The following AXDND1 variants were observed in gnomAD, a reference collection of about 807,000 sequenced individuals.
AXDND1 encodes axonemal dynein light chain domain containing 1.
Under a neutral mutation model 137.5 loss-of-function variants are expected in AXDND1, and 110 were observed. The observed-to-expected ratio is 0.80, with a 90% CI of 0.69 to 0.94. The LOEUF is 0.94. Among genes scored for constraint, AXDND1 ranks in the 40% least tolerant of loss-of-function variants. The probability of loss-of-function intolerance (pLI) is 0.00; values close to 1 mark genes in which losing one functional copy is unlikely to be tolerated. For missense variants in AXDND1, 1,191 were observed against 1,169.8 expected (o/e 1.02, Z -0.26); for synonymous variants, 414 against 399.7 (o/e 1.04, Z -0.43).
In AXDND1 at chr1:179,436,445, G is replaced by A. The variant is rs576447514; in HGVS notation, c.1563+4103G>A. 2.4e-3 allele frequency among the ~76,000 whole-genome samples: 369 copies of A among 152,222 alleles called. 1 individual carries two copies. Among genetic ancestry groups the A allele is most frequent in the Middle Eastern group, 0.01 (3 of 294 alleles). On this transcript the variant is annotated intron_variant, in intron 15 of 25. Transcript: ENST00000367618. Reference sequence around the variant, plus strand: ...AGCAAAGACATGGAACCAACCCAATGCCCATCAATGGTAGACTGGATAAAG... The same window carrying A: ...AGCAAAGACATGGAACCAACCCAATACCCATCAATGGTAGACTGGATAAAG...
intron 17 of AXDND1, among the ~76,000 whole-genome samples, chr1:179,470,262 G>C (rs575245641): frequency 1.3e-5 from 2 of 152,186 alleles, no homozygotes; most frequent in African/African-American, 4.8e-5. Context: ...CTTTCTACTT[G>C]ACTCTTCTTT....
chr1:179,373,558 G>A (rs1026179210), intron 4 of AXDND1, among the ~76,000 whole-genome samples: 4 of 152,018 alleles, frequency 2.6e-5, no homozygotes, highest in South Asian at 4.1e-4. Flanking sequence ...GAGGCATCAC[G>A]CTACCTGACT....
In AXDND1 at chr1:179,395,219, T is replaced by G; in HGVS notation, c.1109+17T>G. ...GAATGCCAAGTGAGTTGCTTAAAGT[T>G]TGTTTAGCTTACATAGGGGAAAAGG... is the stretch of plus-strand genomic sequence containing the variant. On this transcript the variant is annotated intron_variant, in intron 11 of 25. Coordinates refer to ENST00000367618, the MANE Select transcript of AXDND1 (RefSeq NM_144696.6). 1 of 1,599,442 alleles carries G rather than the reference T, an allele frequency of 6.3e-7. No individual in the cohort carries two copies. Among genetic ancestry groups the G allele is most frequent in the Non-Finnish European group, 8.5e-7 (1 of 1,169,850 alleles).
At chr1:179,419,459 C>T (rs1051107522) in intron 12 of AXDND1, among the ~76,000 whole-genome samples, 1 of 148,838 alleles carries the variant, frequency 6.7e-6, no homozygotes, top group South Asian at 2.2e-4. Context: ...CAAAAAAATA[C>T]GAAAACCAGT....
At chr1:179,475,190 G>A (rs10913784) in intron 17 of AXDND1, among the ~76,000 whole-genome samples, 69,487 of 152,140 alleles carry the variant, frequency 0.46, 16,756 homozygotes, top group East Asian at 0.76. Context: ...AGGGCAGTAC[G>A]AAAGGGAAAT....
intron 20 of AXDND1, among the ~76,000 whole-genome samples, chr1:179,502,925 G>A (rs983966085): frequency 2.0e-5 from 3 of 151,692 alleles, no homozygotes; most frequent in African/African-American, 4.8e-5. Context: ...GAGAGACCCC[G>A]TCTCTACTGA....
intron 19 of AXDND1, 82 bp downstream of exon 19, chr1:179,491,819 T>G (rs1666932981): frequency 1.6e-6 from 2 of 1,213,386 alleles, no homozygotes. Context: ...GTAGTAGCAA[T>G]AGGAGTTATT....
chr1:179,488,649 T>TTCTTTC lies in AXDND1; in HGVS notation c.2092-2887_2092-2882dup, dbSNP rs1264889086. On this transcript the variant is annotated intron_variant, in intron 18 of 25. Coordinates refer to ENST00000367618, the MANE Select transcript of AXDND1 (RefSeq NM_144696.6). Reference sequence around the variant, plus strand: ...CTCTCTCTCTCCTTTCTTTCTTTCTTTCTTTCTTTCTTTCTTTCTTTCTTT... The same window carrying TTCTTTC: ...CTCTCTCTCTCCTTTCTTTCTTTCTTTCTTTCTCTTTCTTTCTTTCTTTCTTTCTTT... Among the ~76,000 whole-genome samples the TTCTTTC allele has an allele frequency of 2.6e-4, 25 of 97,132 alleles. 2 individuals are homozygous for TTCTTTC. The highest frequency in any genetic ancestry group is 1.1e-3 in the African/African-American group (23 of 20,004). The allele number at this position is 97,132 out of a possible 152,430, so 63.7% of individuals were successfully genotyped here.
chr1:179,411,346 G>C, intron 12 of AXDND1, 80 bp downstream of exon 12: 1 of 1,456,922 alleles, frequency 6.9e-7, no homozygotes. Flanking sequence ...TGTTTTTTTT[G>C]TTTTGTTTTG....
chr1:179,403,290 G>A (rs894741068), intron 11 of AXDND1, among the ~76,000 whole-genome samples: 1 of 152,242 alleles, frequency 6.6e-6, no homozygotes, highest in Non-Finnish European at 1.5e-5. Context: ...TTTACAAGAC[G>A]AATTTGTCTG....
chr1:179,456,394 C>G, intron 16 of AXDND1: 1 of 783,976 alleles, frequency 1.3e-6, no homozygotes, highest in Non-Finnish European at 2.3e-6. Flanking sequence ...TTGTAATTGC[C>G]AAAATCATTG....
At chr1:179,427,154 G>T (rs1266939137) in intron 12 of AXDND1, among the ~76,000 whole-genome samples, 2 of 149,332 alleles carry the variant, frequency 1.3e-5, no homozygotes, top group Non-Finnish European at 3.0e-5. Context: ...ATAGAGTGAG[G>T]ATCAGTCTCA....
intron 25 of AXDND1, chr1:179,550,777 C>T (rs968872863): frequency 3.4e-6 from 1 of 290,394 alleles, no homozygotes; most frequent in Non-Finnish European, 6.7e-6. Context: ...GTGACAAGCC[C>T]AATGATAGGT....
intron 21 of AXDND1, among the ~76,000 whole-genome samples, chr1:179,515,158 A>AT (rs961094007): frequency 5.3e-5 from 8 of 151,172 alleles, no homozygotes; most frequent in Admixed American, 2.0e-4. Context: ...TTAAATTTTC[A>AT]TTTTTTTTGT....
chr1:179,421,412 T>C (rs1655713056), intron 12 of AXDND1, among the ~76,000 whole-genome samples: 1 of 140,170 alleles, frequency 7.1e-6, no homozygotes, highest in African/African-American at 2.7e-5. Flanking sequence ...AGAGTCTTGC[T>C]CTTTCACCCA....
chr1:179,367,879 A>G (rs988607995), intron 2 of AXDND1, among the ~76,000 whole-genome samples: 1 of 152,168 alleles, frequency 6.6e-6, no homozygotes, highest in Admixed American at 6.5e-5. Flanking sequence ...GCGGATCTGT[A>G]CTAGAGTCAG....
chr1:179,447,935 CT>C, intron 16 of AXDND1: 2 of 1,382,684 alleles, frequency 1.4e-6, no homozygotes, highest in Non-Finnish European at 1.0e-6. Context: ...GTGTTTAAAT[CT>C]GTTAACGTTG....
intron 20 of AXDND1, among the ~76,000 whole-genome samples, chr1:179,499,481 G>C (rs964621904): frequency 6.6e-6 from 1 of 152,144 alleles, no homozygotes; most frequent in African/African-American, 2.4e-5. Context: ...TTGTAAAGGA[G>C]GGGGAGGAAT....
chr1:179,538,171 GT>G (rs1671748581), intron 25 of AXDND1, among the ~76,000 whole-genome samples: 1 of 151,948 alleles, frequency 6.6e-6, no homozygotes, highest in Non-Finnish European at 1.5e-5. Context: ...TTTTTGAAGG[GT>G]TTTTTGTGTC....
Sources: gnomAD v4.1 joint callset for allele counts (sites outside exome capture counted in the v4.1 genomes callset) on GRCh38, gnomAD v4.1.1 for gene constraint, MANE v1.5 for transcripts, NCBI Gene and HGNC (gene_info 2026-07-23, HGNC 2026-07-21) for gene names.